Variants in ALDOB observed in about 807,000 individuals in gnomAD.
ALDOB encodes aldolase, fructose-bisphosphate B.
In ALDOB, 39 loss-of-function variants were observed where a neutral mutation model predicts 41.0. The ratio of observed to expected loss-of-function variants is 0.95; its 90% CI spans 0.74 to 1.24. The LOEUF is 1.24. Among genes scored for constraint, ALDOB ranks in the 50% most tolerant of loss-of-function variants. ALDOB has a pLI of 0.00. For missense variants in ALDOB, 530 were observed against 457.3 expected (o/e 1.16, Z -1.45); for synonymous variants, 175 against 168.8 (o/e 1.04, Z -0.28).
intron 8 of ALDOB, 42 bp downstream of exon 8, chr9:101,424,801 A>G (rs1831097963): frequency 6.2e-7 from 1 of 1,608,314 alleles, no homozygotes; most frequent in Admixed American, 1.7e-5. Context: ...CAAGCCCCAA[A>G]TGTGAACATC....
At chr9:101,432,642 A>G (rs935803066) in intron 1 of ALDOB, among the ~76,000 whole-genome samples, 1 of 152,264 alleles carries the variant, frequency 6.6e-6, no homozygotes. Context: ...CATGCACTAT[A>G]TAATTTTTCT....
chr9:101,426,191 AGATGG>A (rs1382498114), intron 6 of ALDOB, among the ~76,000 whole-genome samples: 1 of 152,250 alleles, frequency 6.6e-6, no homozygotes, highest in Non-Finnish European at 1.5e-5. Flanking sequence ...TTAGAAAGTC[AGATGG>A]AATAAAGTAC....
intron 2 of ALDOB, 148 bp downstream of exon 2, chr9:101,430,628 C>G: frequency 1.4e-6 from 1 of 693,918 alleles, no homozygotes; most frequent in Non-Finnish European, 2.6e-6. Flanking sequence ...TTACAGGACT[C>G]AAAAGCTCTA....
intron 1 of ALDOB, among the ~76,000 whole-genome samples, chr9:101,433,934 AT>A (rs199989340): frequency 5.7e-4 from 84 of 147,228 alleles, no homozygotes; most frequent in South Asian, 2.2e-3. Context: ...ATGCCCAGCT[AT>A]TTTTTTTTTT....
At position 101,429,036 on chromosome 9, in the gene ALDOB, G is replaced by A. The variant is rs191175729; in HGVS notation, c.325-513C>T. Among the ~76,000 whole-genome samples, 230 of 152,154 alleles carry A rather than the reference G, an allele frequency of 1.5e-3. 1 individual carries two copies. The highest frequency in any genetic ancestry group is 2.2e-3 in the Non-Finnish European group (147 of 68,014). ...ACTTTTGAGAAGTTTATGCACTATT[G>A]GAAGACCTAGTTATAAGATAGAATA... On this transcript the variant is annotated intron_variant, in intron 3 of 8. Transcript: ENST00000647789.
At chr9:101,425,660 C>G in intron 6 of ALDOB, 33 bp from the exon 7 acceptor site, 1 of 1,611,998 alleles carries the variant, frequency 6.2e-7, no homozygotes, top group Non-Finnish European at 8.5e-7. Flanking sequence ...AGGTGAAACT[C>G]AAAGCTAGTC....
intron 8 of ALDOB, among the ~76,000 whole-genome samples, chr9:101,422,994 C>T (rs1831070583): frequency 6.6e-6 from 1 of 152,160 alleles, no homozygotes; most frequent in South Asian, 2.1e-4. Context: ...ATAAACTCAG[C>T]TTCCCTTCTT....
chr9:101,433,762 TTTTC>T (rs1431349973), intron 1 of ALDOB, among the ~76,000 whole-genome samples: 1 of 151,978 alleles, frequency 6.6e-6, no homozygotes, highest in Non-Finnish European at 1.5e-5. Context: ...TTTCTTTTCT[TTTTC>T]TTTCTTTCTT....
intron 8 of ALDOB, among the ~76,000 whole-genome samples, chr9:101,423,983 CT>C (rs1405396102): frequency 2.0e-5 from 3 of 152,190 alleles, no homozygotes. Context: ...TGAAAAACTT[CT>C]TGAGTGGGCA....
intron 8 of ALDOB, among the ~76,000 whole-genome samples, chr9:101,422,259 A>AT (rs1831059399): frequency 6.6e-6 from 1 of 152,270 alleles, no homozygotes; most frequent in South Asian, 2.1e-4. Context: ...AAACATTTCC[A>AT]TTTTCTACCT....
chr9:101,427,965 G>A (rs1392947740), intron 4 of ALDOB, among the ~76,000 whole-genome samples: 1 of 152,186 alleles, frequency 6.6e-6, no homozygotes, highest in East Asian at 1.9e-4. Flanking sequence ...GCTCAAGAGT[G>A]ACAGAGCTGG....
chr9:101,424,982 A>T lies in ALDOB; in HGVS notation c.860T>A (p.Ile287Asn). The change falls in exon 8 of 9, where the codon ATC (isoleucine) becomes AAC (asparagine). Residue 287 changes from isoleucine to asparagine, a missense_variant. Coordinates refer to ENST00000647789, the MANE Select transcript of ALDOB (RefSeq NM_000035.4). ...EEDATLNLNA[I>N]NLCPLPKPWK... ...GGGCTTTGGTAGAGGGCAAAGGTTGATAGCATTGAGGTTGAGAGTGGCATC... is the reference window on the plus strand; with the variant it reads ...GGGCTTTGGTAGAGGGCAAAGGTTGTTAGCATTGAGGTTGAGAGTGGCATC... 1 of 1,614,234 alleles carries T rather than the reference A, an allele frequency of 6.2e-7. No homozygotes were observed. Among genetic ancestry groups the T allele is most frequent in the African/African-American group, 1.3e-5 (1 of 75,072 alleles).
At chr9:101,428,656 G>A (rs1047040559) in intron 3 of ALDOB, 133 bp from the exon 4 acceptor site, 4 of 805,482 alleles carry the variant, frequency 5.0e-6, no homozygotes, top group South Asian at 2.7e-5. Context: ...GAGGGACCCA[G>A]TTCAGTCCAT....
chr9:101,426,793 G>A (rs1183385021), intron 5 of ALDOB, among the ~76,000 whole-genome samples, 155 bp from the exon 6 acceptor site: 2 of 152,134 alleles, frequency 1.3e-5, no homozygotes, highest in Non-Finnish European at 2.9e-5. Flanking sequence ...TTCAGAATGA[G>A]ATAAAAAATA....
At position 101,430,798 on chromosome 9, in the gene ALDOB, G is replaced by C; in HGVS notation, c.90C>G (p.Ile30Met). 1 of 1,613,666 alleles carries C rather than the reference G, an allele frequency of 6.2e-7. No individual in the cohort carries two copies. The highest frequency in any genetic ancestry group is 8.5e-7 in the Non-Finnish European group (1 of 1,179,566). The stretch of plus-strand genomic sequence containing the variant: ...CACCTACAGATTCATCTGCAGCCAG[G>C]ATCCCCTTTCCATTGGCAACAATGC... ...AQSIVANGKG[I>M]LAADESVGTM... is the part of the protein sequence containing the mutation. The change falls in exon 2 of 9, where the codon ATC becomes ATG. Residue 30 changes from isoleucine (I) to methionine (M), a missense_variant. By Grantham distance (10) the Ile-to-Met change is conservative. Transcript: ENST00000647789.
chr9:101,425,369 CA>C, intron 7 of ALDOB, 83 bp downstream of exon 7: 1 of 1,509,744 alleles, frequency 6.6e-7, no homozygotes, highest in Non-Finnish European at 9.2e-7. Context: ...TGAATAGAAG[CA>C]GATTTCTGGA....
At chr9:101,431,207 T>C (rs913077943) in intron 1 of ALDOB, among the ~76,000 whole-genome samples, 2 of 152,182 alleles carry the variant, frequency 1.3e-5, no homozygotes, top group Non-Finnish European at 2.9e-5. Context: ...ATATGACTAA[T>C]AGAGGGGACT....
intron 7 of ALDOB, 98 bp downstream of exon 7, chr9:101,425,355 T>A: frequency 1.4e-6 from 2 of 1,441,208 alleles, no homozygotes; most frequent in Non-Finnish European, 9.7e-7. Context: ...AGAGGTTTGT[T>A]TCATGAATAG....
chr9:101,435,210 C>A (rs1831273852), intron 1 of ALDOB, among the ~76,000 whole-genome samples: 1 of 152,154 alleles, frequency 6.6e-6, no homozygotes. Flanking sequence ...GGGCAAAATA[C>A]TCCAAGGGTT....
Sources: gnomAD v4.1 joint callset for allele counts (sites outside exome capture counted in the v4.1 genomes callset) on GRCh38, gnomAD v4.1.1 for gene constraint, MANE v1.5 for transcripts, NCBI Gene and HGNC (gene_info 2026-07-23, HGNC 2026-07-21) for gene names.